ABCB11: variants seen among roughly 807,000 people sequenced by gnomAD.
ABCB11 encodes ATP binding cassette subfamily B member 11, also known as bile salt export pump.
ABCB11 carries 95 observed loss-of-function variants against 148.0 expected under a neutral mutation model. The ratio of observed to expected loss-of-function variants is 0.64; its 90% CI spans 0.54 to 0.76. The LOEUF (loss-of-function observed/expected upper bound fraction) is 0.76. Ranked by LOEUF, ABCB11 falls within the 30% of genes least tolerant of loss-of-function variation. The pLI is 0.00. For synonymous variants in ABCB11, 591 were observed against 555.4 expected (o/e 1.06, Z -0.90); for missense variants, 1,523 against 1,617.8 (o/e 0.94, Z 1.01).
At chr2:169,011,382 G>A (rs191058778) in intron 5 of ABCB11, among the ~76,000 whole-genome samples, 116 of 152,110 alleles carry the variant, frequency 7.6e-4, no homozygotes, top group African/African-American at 2.5e-3. Context: ...CTGTCCTCCC[G>A]CATAAATGAA....
At chr2:169,017,238 A>G (rs1695391026) in intron 2 of ABCB11, among the ~76,000 whole-genome samples, 1 of 152,230 alleles carries the variant, frequency 6.6e-6, no homozygotes, top group African/African-American at 2.4e-5. Context: ...TAAGATGTTA[A>G]TAACAAGATG....
intron 1 of ABCB11, among the ~76,000 whole-genome samples, chr2:169,024,907 G>C: frequency 6.6e-6 from 1 of 152,124 alleles, no homozygotes; most frequent in Non-Finnish European, 1.5e-5. Context: ...ATATACTAAA[G>C]GAACCAGATT....
At chr2:168,998,649 C>T (rs942847065) in intron 5 of ABCB11, among the ~76,000 whole-genome samples, 7 of 151,916 alleles carry the variant, frequency 4.6e-5, no homozygotes, top group African/African-American at 1.2e-4. Context: ...GCACTGTAAG[C>T]GGAAGTGATG....
rs2389605 is a variant in ABCB11 at position 168,973,541 on chromosome 2, C to T, written c.1434+174G>A. 0.57 allele frequency among the ~76,000 whole-genome samples: 87,086 copies of T among 151,910 alleles called. 25,233 individuals are homozygous for T. The highest frequency in any genetic ancestry group is 0.75 in the East Asian group (3,854 of 5,138). ...GTGAATGGAATTGACTGGTTATTCA[C>T]TGAACACTGTTACCATGTAGGAAGC... On this transcript the variant is annotated intron_variant, in intron 13 of 27. Coordinates refer to ENST00000650372, the MANE Select transcript of ABCB11 (RefSeq NM_003742.4).
At chr2:168,946,566 A>G (rs1180649224) in intron 19 of ABCB11, among the ~76,000 whole-genome samples, 1 of 151,792 alleles carries the variant, frequency 6.6e-6, no homozygotes, top group East Asian at 1.9e-4. Flanking sequence ...TACAGAGTCT[A>G]AAAATTCAAA....
chr2:168,942,485 A>G (rs761418680), intron 21 of ABCB11, among the ~76,000 whole-genome samples: 1 of 125,824 alleles, frequency 7.9e-6, no homozygotes, highest in Admixed American at 8.9e-5. Flanking sequence ...GTATCAAGTT[A>G]TAAGAATTAA....
intron 19 of ABCB11, among the ~76,000 whole-genome samples, chr2:168,952,678 T>G (rs907868744): frequency 9.8e-5 from 9 of 92,020 alleles, no homozygotes; most frequent in African/African-American, 4.3e-4. Context: ...TGCTCCTTTG[T>G]TTTTTTTTTT....
chr2:168,957,997 G>T lies in ABCB11; in HGVS notation c.2310C>A (p.Pro770=). Reference sequence around the variant, plus strand: ...TCTGGCTGAATAAAAAGGCATACAAGGGTGTGACTGTCCCGTTCACAGCTG... The same window carrying T: ...TCTGGCTGAATAAAAAGGCATACAATGGTGTGACTGTCCCGTTCACAGCTG... ...VGAAVNGTVT[P]LYAFLFSQIL... Residue 770 remains proline, a synonymous_variant, in exon 19 of 28, where the codon CCC becomes CCA. Transcript: ENST00000650372. 1 of 1,604,374 alleles carries T rather than the reference G, an allele frequency of 6.2e-7. No individual in the cohort carries two copies. Among genetic ancestry groups the T allele is most frequent in the Non-Finnish European group, 8.5e-7 (1 of 1,172,934 alleles).
At chr2:168,980,067 G>T in intron 10 of ABCB11, 88 bp from the exon 11 acceptor site, 1 of 714,912 alleles carries the variant, frequency 1.4e-6, no homozygotes. Context: ...TGTTAACGCA[G>T]AGAGTTATCA....
intron 17 of ABCB11, among the ~76,000 whole-genome samples, chr2:168,965,218 A>G (rs1261640958): frequency 6.6e-6 from 1 of 151,784 alleles, no homozygotes; most frequent in Non-Finnish European, 1.5e-5. Context: ...AAGCATGGAG[A>G]CAGGGGAGGA....
intron 19 of ABCB11, among the ~76,000 whole-genome samples, chr2:168,956,595 T>C (rs1228019499): frequency 6.6e-6 from 1 of 151,608 alleles, no homozygotes; most frequent in African/African-American, 2.4e-5. Flanking sequence ...CACAACAGCA[T>C]GGCAGGGATC....
intron 14 of ABCB11, among the ~76,000 whole-genome samples, chr2:168,971,319 T>C (rs1206487739): frequency 6.6e-6 from 1 of 152,068 alleles, no homozygotes; most frequent in Non-Finnish European, 1.5e-5. Flanking sequence ...TTCTTTGACT[T>C]AGCAGGCCAT....
intron 11 of ABCB11, among the ~76,000 whole-genome samples, chr2:168,977,538 C>G (rs1693961452): frequency 6.6e-6 from 1 of 152,162 alleles, no homozygotes; most frequent in African/African-American, 2.4e-5. Context: ...TTCCTGCTAC[C>G]AGAACACTCC....
intron 17 of ABCB11, 103 bp from the exon 18 acceptor site, chr2:168,964,411 G>A (rs1326609763): frequency 2.1e-6 from 2 of 939,634 alleles, no homozygotes; most frequent in African/African-American, 3.3e-5. Flanking sequence ...AAATAGAAAT[G>A]TTTGGTAGGT....
intron 17 of ABCB11, among the ~76,000 whole-genome samples, chr2:168,966,582 G>A (rs16856314): frequency 0.028 from 4,197 of 151,820 alleles, 199 homozygotes; most frequent in African/African-American, 0.097. Flanking sequence ...CTAACTTGGG[G>A]GACTAAATAC....
chr2:168,983,865 C>T (rs550936176), intron 10 of ABCB11, among the ~76,000 whole-genome samples: 1 of 152,124 alleles, frequency 6.6e-6, no homozygotes, highest in Non-Finnish European at 1.5e-5. Context: ...TATAAAACGA[C>T]TCCCTATTTA....
rs567378656 is a variant in ABCB11 at position 168,973,567 on chromosome 2, G to T, written c.1434+148C>A. 5.3e-6 allele frequency: 5 copies of T among 951,994 alleles called. No individual in the cohort carries two copies. The African/African-American group carries it at 8.3e-5, about 16-fold the overall frequency. 59.0% of individuals were successfully genotyped at this position (951,994 alleles called of 1,614,324 possible). On this transcript the variant is annotated intron_variant, in intron 13 of 27. Coordinates refer to ENST00000650372, the MANE Select transcript of ABCB11 (RefSeq NM_003742.4). ...TGAACACTGTTACCATGTAGGAAGC[G>T]TGTCCCATCAATTCAGTAACAAATC...
At chr2:168,970,855 C>T (rs1434352152) in intron 14 of ABCB11, among the ~76,000 whole-genome samples, 2 of 151,956 alleles carry the variant, frequency 1.3e-5, no homozygotes, top group Non-Finnish European at 2.9e-5. Context: ...GCAAGTGCTG[C>T]TATTTGCAAC....
chr2:168,989,881 C>T (rs1028290567), intron 9 of ABCB11, among the ~76,000 whole-genome samples: 3 of 151,982 alleles, frequency 2.0e-5, no homozygotes, highest in Non-Finnish European at 4.4e-5. Flanking sequence ...TGGTTTTTGT[C>T]TTTCATTCTG....
Sources: gnomAD v4.1 joint callset for allele counts (sites outside exome capture counted in the v4.1 genomes callset) on GRCh38, gnomAD v4.1.1 for gene constraint, MANE v1.5 for transcripts, NCBI Gene and HGNC (gene_info 2026-07-23, HGNC 2026-07-21) for gene names.